Variants in CCDC39 observed in about 807,000 individuals in gnomAD.
The protein encoded by CCDC39 is coiled-coil domain-containing protein 39.
Under a neutral mutation model 121.0 loss-of-function variants are expected in CCDC39, and 113 were observed. The ratio of observed to expected loss-of-function variants is 0.93; its 90% CI spans 0.80 to 1.09. The LOEUF is 1.09. Among genes scored for constraint, CCDC39 ranks in the 50% least tolerant of loss-of-function variants. The probability of loss-of-function intolerance (pLI) is 0.00; values close to 1 mark genes in which losing one functional copy is unlikely to be tolerated. For synonymous variants in CCDC39, 349 were observed against 352.2 expected (o/e 0.99, Z 0.10); for missense variants, 1,063 against 1,074.7 (o/e 0.99, Z 0.15).
Position 180,679,098 on chromosome 3 carries a change from C to T in CCDC39, c.90+193G>A, listed in dbSNP as rs1388105324. Reference sequence around the variant, plus strand: ...TAAATGTCAATTATGGTTTTAATAGCATTTTTAAATGCTTAACAATTACTG... The same window carrying T: ...TAAATGTCAATTATGGTTTTAATAGTATTTTTAAATGCTTAACAATTACTG... On this transcript the variant is annotated intron_variant, in intron 1 of 19. Coordinates refer to ENST00000476379, the MANE Select transcript of CCDC39 (RefSeq NM_181426.2). The surrounding 1 kb of genome is among the most constrained non-coding windows in gnomAD (Gnocchi z 4.0). Among the ~76,000 whole-genome samples, 2 of 152,038 alleles carry T rather than the reference C, an allele frequency of 1.3e-5. No homozygotes were observed. Among genetic ancestry groups the T allele is most frequent in the Non-Finnish European group, 2.9e-5 (2 of 68,034 alleles).
At chr3:180,663,722 T>C (rs1711801508) in intron 2 of CCDC39, 145 bp downstream of exon 2, 1 of 780,262 alleles carries the variant, frequency 1.3e-6, no homozygotes, top group East Asian at 3.0e-5. Context: ...CCTTTTTCTA[T>C]CTACTTTCAT....
chr3:180,631,639 T>A, intron 13 of CCDC39, 47 bp from the exon 14 acceptor site: 1 of 1,508,244 alleles, frequency 6.6e-7, no homozygotes, highest in Non-Finnish European at 9.0e-7. Context: ...TACTTTACAA[T>A]TTTTAAAGGA....
At position 180,642,203 on chromosome 3, in the gene CCDC39, T is replaced by C; in HGVS notation, c.1666-2A>G. 6.4e-7 allele frequency: 1 copy of C among 1,556,520 alleles called. No homozygotes were observed. The highest frequency in any genetic ancestry group is 8.7e-7 in the Non-Finnish European group (1 of 1,150,232). On this transcript the variant is annotated splice_acceptor_variant, in intron 12 of 19. Coordinates refer to ENST00000476379, the MANE Select transcript of CCDC39 (RefSeq NM_181426.2). LOFTEE classifies it high-confidence loss of function. ...AAGATTGTCCTCTATCATCAAATCC[T>C]ATCAACGTAACAAAATGGTCAAATA...
intron 2 of CCDC39, among the ~76,000 whole-genome samples, chr3:180,662,811 T>C (rs1711775186): frequency 6.6e-6 from 1 of 152,210 alleles, no homozygotes; most frequent in Admixed American, 6.5e-5. Flanking sequence ...TTGTAAGTCA[T>C]GAAATACTTA....
chr3:180,639,902 T>C (rs375856953), intron 13 of CCDC39, among the ~76,000 whole-genome samples: 6 of 152,230 alleles, frequency 3.9e-5, no homozygotes, highest in Non-Finnish European at 5.9e-5. Flanking sequence ...GGAATGTATA[T>C]TGATATACAC....
chr3:180,669,722 G>A (rs781080229), intron 1 of CCDC39, among the ~76,000 whole-genome samples: 1 of 152,006 alleles, frequency 6.6e-6, no homozygotes, highest in African/African-American at 2.4e-5. Context: ...AGTCTCATAG[G>A]GAAAATGTCA....
chr3:180,633,415 C>T (rs1234347722), intron 13 of CCDC39, among the ~76,000 whole-genome samples: 1 of 152,104 alleles, frequency 6.6e-6, no homozygotes, highest in Non-Finnish European at 1.5e-5. Flanking sequence ...TCCAAAAACA[C>T]CCATAAAACA....
intron 14 of CCDC39, among the ~76,000 whole-genome samples, chr3:180,627,515 C>T (rs1370268315): frequency 6.6e-6 from 1 of 152,036 alleles, no homozygotes. Context: ...TGATTCCATT[C>T]GCTTCTAAAT....
chr3:180,660,878 T>C, intron 3 of CCDC39, 150 bp from the exon 4 acceptor site: 2 of 556,686 alleles, frequency 3.6e-6, no homozygotes, highest in Non-Finnish European at 6.1e-6. Flanking sequence ...ATATGCCATA[T>C]TTTAATAATA....
Position 180,627,305 on chromosome 3 carries a change from T to G in CCDC39, c.1998+4164A>C, listed in dbSNP as rs796283959. Among the ~76,000 whole-genome samples the G allele has an allele frequency of 1.3e-4, 20 of 152,342 alleles. 2 individuals carry two copies. The highest frequency in any genetic ancestry group is 4.8e-4 in the African/African-American group (20 of 41,582). On this transcript the variant is annotated intron_variant, in intron 14 of 19. Transcript: ENST00000476379. ...AAAAATTATAGAAATTATATCTAATTCCTTTGAGTCTCAAATTGGTAACCC... is the reference window on the plus strand; with the variant it reads ...AAAAATTATAGAAATTATATCTAATGCCTTTGAGTCTCAAATTGGTAACCC...
At chr3:180,622,016 A>C (rs1040259443) in intron 14 of CCDC39, among the ~76,000 whole-genome samples, 1 of 152,162 alleles carries the variant, frequency 6.6e-6, no homozygotes, top group Non-Finnish European at 1.5e-5. Flanking sequence ...TTTGGGCACC[A>C]TGGTCATTTT....
intron 1 of CCDC39, among the ~76,000 whole-genome samples, chr3:180,667,576 CCTCT>C (rs918701331): frequency 3.3e-5 from 5 of 152,092 alleles, no homozygotes; most frequent in Admixed American, 6.6e-5. Context: ...ACAAACCGTG[CCTCT>C]CTAAGACAAT....
At chr3:180,648,505 A>G in intron 9 of CCDC39, 146 bp from the exon 10 acceptor site, 1 of 533,340 alleles carries the variant, frequency 1.9e-6, no homozygotes, top group Non-Finnish European at 3.1e-6. Flanking sequence ...CACAATTTTA[A>G]CAAGTCCCCA....
intron 12 of CCDC39, among the ~76,000 whole-genome samples, chr3:180,643,372 T>C (rs1332148146): frequency 2.6e-5 from 4 of 152,094 alleles, no homozygotes; most frequent in Non-Finnish European, 4.4e-5. Flanking sequence ...AAAAAAAATA[T>C]GGAACATGAC....
At chr3:180,625,865 G>A (rs1717546792) in intron 14 of CCDC39, among the ~76,000 whole-genome samples, 1 of 151,886 alleles carries the variant, frequency 6.6e-6, no homozygotes, top group Non-Finnish European at 1.5e-5. Flanking sequence ...CCCATTGGTG[G>A]CAGTGGTGGG....
At chr3:180,654,031 TA>T (rs894750629) in intron 7 of CCDC39, among the ~76,000 whole-genome samples, 1 of 147,112 alleles carries the variant, frequency 6.8e-6, no homozygotes, top group African/African-American at 2.5e-5. Context: ...AATCCATGGA[TA>T]AGGAAGGCTG....
chr3:180,648,515 A>G (rs766956566), intron 9 of CCDC39, among the ~76,000 whole-genome samples, 156 bp from the exon 10 acceptor site: 1 of 152,190 alleles, frequency 6.6e-6, no homozygotes, highest in Non-Finnish European at 1.5e-5. Flanking sequence ...ACAAGTCCCC[A>G]GCATTTCTTA....
intron 13 of CCDC39, among the ~76,000 whole-genome samples, chr3:180,639,676 A>G (rs1717910662): frequency 6.6e-6 from 1 of 152,080 alleles, no homozygotes; most frequent in African/African-American, 2.4e-5. Context: ...TACTTTGAGT[A>G]CAGTGTACAC....
chr3:180,652,076 T>C, intron 8 of CCDC39, 87 bp downstream of exon 8: 1 of 789,642 alleles, frequency 1.3e-6, no homozygotes, highest in Non-Finnish European at 2.0e-6. Flanking sequence ...TGCAATTATT[T>C]AAACAACAAA....
Sources: gnomAD v4.1 joint callset for allele counts (sites outside exome capture counted in the v4.1 genomes callset) on GRCh38, gnomAD v4.1.1 for gene constraint, Gnocchi (gnomAD v3.1) non-coding constraint, MANE v1.5 for transcripts, NCBI Gene and HGNC (gene_info 2026-07-23, HGNC 2026-07-21) for gene names.